The following ARHGAP32 variants were observed in gnomAD, a reference collection of about 807,000 sequenced individuals.
The protein encoded by ARHGAP32 is rho GTPase-activating protein 32.
In ARHGAP32, 51 loss-of-function variants were observed where a neutral mutation model predicts 186.5. The ratio of observed to expected loss-of-function variants is 0.27; its 90% CI spans 0.22 to 0.35. The LOEUF (loss-of-function observed/expected upper bound fraction) is 0.35, where lower values mean the gene tolerates loss of function less well. Ranked by LOEUF, ARHGAP32 falls within the 10% of genes least tolerant of loss-of-function variation. The probability of loss-of-function intolerance (pLI) is 1.00; values close to 1 mark genes in which losing one functional copy is unlikely to be tolerated. For missense variants in ARHGAP32, 2,186 were observed against 2,623.5 expected (o/e 0.83, Z 3.64); for synonymous variants, 950 against 964.3 (o/e 0.99, Z 0.27).
chr11:129,109,062 T>C lies in ARHGAP32; in HGVS notation c.444+14384A>G, dbSNP rs1364514704. On this transcript the variant is annotated intron_variant, in intron 5 of 22. Transcript: ENST00000682385. ...TCTTCCCATTAATCAAACTTCTTCA[T>C]CATGTTGCCCCTTCTCAGACTGTTA... Among the ~76,000 whole-genome samples, 8 of 152,146 alleles carry C rather than the reference T, an allele frequency of 5.3e-5. No individual in the cohort carries two copies. In the East Asian group the frequency reaches 1.5e-3, roughly 29 times the overall value.
chr11:129,114,534 G>T (rs1299580972), intron 5 of ARHGAP32, among the ~76,000 whole-genome samples: 1 of 152,092 alleles, frequency 6.6e-6, no homozygotes, highest in African/African-American at 2.4e-5. Context: ...TAAGAGAACT[G>T]TGGGTTTTAA....
At chr11:128,990,682 T>C (rs1231268075) in intron 12 of ARHGAP32, among the ~76,000 whole-genome samples, 1 of 152,196 alleles carries the variant, frequency 6.6e-6, no homozygotes, top group African/African-American at 2.4e-5. Flanking sequence ...GCAAAATACA[T>C]AGCATCTTTA....
At chr11:129,269,784 G>A (rs1186050429) in intron 1 of ARHGAP32, among the ~76,000 whole-genome samples, 1 of 152,040 alleles carries the variant, frequency 6.6e-6, no homozygotes, top group Non-Finnish European at 1.5e-5. Context: ...AAGACAGAAC[G>A]TGCTTTTATT....
At chr11:128,973,815 A>G (rs1044745404) in intron 21 of ARHGAP32, 1 of 516,574 alleles carries the variant, frequency 1.9e-6, no homozygotes, top group African/African-American at 1.9e-5. Context: ...TACAATAAAG[A>G]TATTTTATTA....
intron 15 of ARHGAP32, among the ~76,000 whole-genome samples, chr11:128,983,619 T>A (rs151230536): frequency 4.6e-5 from 7 of 151,760 alleles, no homozygotes; most frequent in Admixed American, 3.9e-4. Flanking sequence ...ATTGTGCACA[T>A]GTACCCTAAA....
rs755691326 is a variant in ARHGAP32 at position 128,971,121 on chromosome 11, T to A, written c.4092A>T (p.Glu1364Asp). 1.9e-6 allele frequency: 3 copies of A among 1,613,876 alleles called. No homozygotes were observed. The highest frequency in any genetic ancestry group is 2.5e-6 in the Non-Finnish European group (3 of 1,179,854). The change falls in exon 23 of 23, where the codon GAA (glutamate) becomes GAT (aspartate). Residue 1364 changes from glutamate to aspartate, a missense_variant. By Grantham distance (45) the Glu-to-Asp change is conservative. Around this residue, in one of 5 missense-constraint regions of ARHGAP32, gnomAD observed 1,502 missense variants for 1,570.0 expected, o/e 0.96. Coordinates refer to ENST00000682385, the MANE Select transcript of ARHGAP32 (RefSeq NM_001378024.1). ...GVVPVPERPPEPRAMDDPASA... is the reference protein window; with the variant it reads ...GVVPVPERPPDPRAMDDPASA... ...ACGCAGGGTCATCCATGGCTCGAGGTTCAGGTGGCCTCTCTGGAACTGGAA... is the reference window on the plus strand; with the variant it reads ...ACGCAGGGTCATCCATGGCTCGAGGATCAGGTGGCCTCTCTGGAACTGGAA...
intron 6 of ARHGAP32, among the ~76,000 whole-genome samples, chr11:129,076,042 G>C (rs957273970): frequency 6.6e-5 from 10 of 152,158 alleles, no homozygotes; most frequent in Non-Finnish European, 1.3e-4. Flanking sequence ...GTGACCTTTA[G>C]TCATCCTCAC....
At chr11:129,185,303 G>C (rs1428458433) in intron 1 of ARHGAP32, among the ~76,000 whole-genome samples, 2 of 152,146 alleles carry the variant, frequency 1.3e-5, no homozygotes, top group East Asian at 3.9e-4. Context: ...TCCTTTGTAG[G>C]GACATGGATG....
At chr11:129,237,873 C>T (rs559561877) in intron 1 of ARHGAP32, among the ~76,000 whole-genome samples, 23 of 152,158 alleles carry the variant, frequency 1.5e-4, no homozygotes, top group Admixed American at 1.4e-3. Flanking sequence ...CCAAGTAGGG[C>T]AAAAATCACA....
intron 2 of ARHGAP32, among the ~76,000 whole-genome samples, chr11:129,162,257 C>T (rs994857532): frequency 6.6e-6 from 1 of 152,082 alleles, no homozygotes; most frequent in Non-Finnish European, 1.5e-5. Context: ...AATAAACCTG[C>T]ATGTTCTGCA....
At chr11:129,015,713 T>C (rs923563002) in intron 11 of ARHGAP32, among the ~76,000 whole-genome samples, 16 of 152,226 alleles carry the variant, frequency 1.1e-4, no homozygotes, top group African/African-American at 3.4e-4. Context: ...AAACTGTGTA[T>C]TCTGAGATTT....
At chr11:129,192,619 A>G (rs1173184220), upstream of ARHGAP32, among the ~76,000 whole-genome samples, 1 of 152,206 alleles carries the variant, frequency 6.6e-6, no homozygotes, top group Non-Finnish European at 1.5e-5. Flanking sequence ...TAGAAAGAAT[A>G]ACACCATCCA....
chr11:129,270,085 C>G (rs983165913), intron 1 of ARHGAP32, among the ~76,000 whole-genome samples: 4 of 151,146 alleles, frequency 2.6e-5, no homozygotes, highest in African/African-American at 7.3e-5. Flanking sequence ...GCAACTTTAT[C>G]CAGAGCTGCC....
At chr11:129,163,735 T>G (rs1346982332) in intron 2 of ARHGAP32, among the ~76,000 whole-genome samples, 1 of 152,146 alleles carries the variant, frequency 6.6e-6, no homozygotes, top group East Asian at 1.9e-4. Flanking sequence ...CTTTAACATT[T>G]TAAGTCAGAT....
intron 1 of ARHGAP32, among the ~76,000 whole-genome samples, chr11:129,261,561 C>T (rs1945320850): frequency 6.6e-6 from 1 of 152,126 alleles, no homozygotes. Flanking sequence ...GCAAGCCTGG[C>T]CCCCATTTCG....
chr11:129,251,158 G>A (rs969718253), intron 1 of ARHGAP32, among the ~76,000 whole-genome samples: 1 of 152,156 alleles, frequency 6.6e-6, no homozygotes, highest in Non-Finnish European at 1.5e-5. Flanking sequence ...AACTCCAAAG[G>A]TGCTGATGAT....
intron 1 of ARHGAP32, among the ~76,000 whole-genome samples, chr11:129,221,746 A>G (rs1053658559): frequency 1.2e-4 from 18 of 152,002 alleles, no homozygotes; most frequent in African/African-American, 4.3e-4. Flanking sequence ...CAGGAGGTCC[A>G]GGCTGCTGTG....
intron 12 of ARHGAP32, 76 bp from the exon 13 acceptor site, chr11:128,988,201 C>T (rs1945934490): frequency 3.7e-6 from 4 of 1,078,612 alleles, no homozygotes; most frequent in South Asian, 3.3e-5. Context: ...ATAAGATTGT[C>T]TTAGTTTACA....
intron 5 of ARHGAP32, among the ~76,000 whole-genome samples, chr11:129,107,012 T>G (rs1942066051): frequency 6.6e-6 from 1 of 151,978 alleles, no homozygotes; most frequent in Non-Finnish European, 1.5e-5. Flanking sequence ...CACACTATAA[T>G]CAGATTTTTC....
Sources: gnomAD v4.1 joint callset for allele counts (sites outside exome capture counted in the v4.1 genomes callset) on GRCh38, gnomAD v4.1.1 for gene constraint, gnomAD v4.1.1 regional missense constraint, MANE v1.5 for transcripts, NCBI Gene and HGNC (gene_info 2026-07-23, HGNC 2026-07-21) for gene names.